The following NAALADL2 variants were observed in gnomAD, a reference collection of about 807,000 sequenced individuals.
NAALADL2 encodes inactive N-acetylated-alpha-linked acidic dipeptidase-like protein 2.
Under a neutral mutation model 87.2 loss-of-function variants are expected in NAALADL2, and 76 were observed. The observed-to-expected ratio is 0.87, with a 90% CI of 0.72 to 1.05. NAALADL2 has a LOEUF of 1.05. Among genes scored for constraint, NAALADL2 ranks in the 50% least tolerant of loss-of-function variants. The pLI is 0.00. For synonymous variants in NAALADL2, 354 were observed against 331.0 expected (o/e 1.07, Z -0.75); for missense variants, 1,089 against 945.8 (o/e 1.15, Z -1.99).
intron 3 of NAALADL2, among the ~76,000 whole-genome samples, chr3:175,236,962 G>C (rs1299903118): frequency 6.6e-6 from 1 of 152,036 alleles, no homozygotes; most frequent in Non-Finnish European, 1.5e-5. Context: ...TCACCTTCAA[G>C]TGTCCTGCGT....
At chr3:175,603,378 C>T (rs932614503) in intron 10 of NAALADL2, among the ~76,000 whole-genome samples, 2 of 152,056 alleles carry the variant, frequency 1.3e-5, no homozygotes, top group Non-Finnish European at 2.9e-5. Context: ...AATACATAGA[C>T]TCATATTGTT....
At chr3:174,703,954 A>C (rs1560157641) in intron 2 of NAALADL2, among the ~76,000 whole-genome samples, 1 of 152,166 alleles carries the variant, frequency 6.6e-6, no homozygotes, top group Non-Finnish European at 1.5e-5. Context: ...ACTGAATGCT[A>C]AGTGCTTTAC....
chr3:174,589,988 T>C (rs1468597181), intron 2 of NAALADL2, among the ~76,000 whole-genome samples: 1 of 152,086 alleles, frequency 6.6e-6, no homozygotes, highest in Non-Finnish European at 1.5e-5. Flanking sequence ...AAACTTCTTG[T>C]TTTAGGTCCA....
intron 2 of NAALADL2, among the ~76,000 whole-genome samples, chr3:175,147,660 A>G: frequency 6.6e-6 from 1 of 152,178 alleles, no homozygotes; most frequent in East Asian, 1.9e-4. Flanking sequence ...TCTTTGAGAA[A>G]TCTTCAAACT....
At chr3:175,407,149 A>G (rs1355739096) in intron 5 of NAALADL2, among the ~76,000 whole-genome samples, 1 of 152,166 alleles carries the variant, frequency 6.6e-6, no homozygotes, top group African/African-American at 2.4e-5. Flanking sequence ...ACACCACTGC[A>G]CTCCAACCTG....
intron 1 of NAALADL2, among the ~76,000 whole-genome samples, chr3:175,013,114 A>T (rs1181813929): frequency 1.2e-4 from 1 of 8,136 alleles, no homozygotes; most frequent in Non-Finnish European, 2.1e-4. Flanking sequence ...ATATTTATAT[A>T]TAAATATACA....
At chr3:175,004,195 G>A (rs1748677010) in intron 1 of NAALADL2, among the ~76,000 whole-genome samples, 1 of 152,024 alleles carries the variant, frequency 6.6e-6, no homozygotes, top group Non-Finnish European at 1.5e-5. Context: ...GAAACAAAGT[G>A]AGATGCTATC....
chr3:174,656,636 G>A (rs1724960126), intron 2 of NAALADL2, among the ~76,000 whole-genome samples: 1 of 152,020 alleles, frequency 6.6e-6, no homozygotes, highest in African/African-American at 2.4e-5. Flanking sequence ...AGTATTTCAA[G>A]GACATGAAAA....
At chr3:175,236,639 G>T (rs192099294) in intron 3 of NAALADL2, among the ~76,000 whole-genome samples, 16 of 152,044 alleles carry the variant, frequency 1.1e-4, no homozygotes, top group Non-Finnish European at 2.4e-4. Context: ...CTCACTACCA[G>T]CAAACTCTCA....
In NAALADL2 at chr3:175,751,708, T is replaced by G. The variant is rs536007868; in HGVS notation, c.1991-3512T>G. 2.3e-3 allele frequency among the ~76,000 whole-genome samples: 352 copies of G among 152,258 alleles called. 2 individuals are homozygous for G. The highest frequency in any genetic ancestry group is 0.017 in the Middle Eastern group (5 of 294). The stretch of plus-strand genomic sequence containing the variant: ...TTAAAAAATAGTTGTATTAACTCGC[T>G]CTGAGAGAAATATCTAATTTCCAGT... On this transcript the variant is annotated intron_variant, in intron 12 of 13. Transcript: ENST00000454872.
At chr3:175,281,933 G>T (rs116720906) in intron 4 of NAALADL2, among the ~76,000 whole-genome samples, 411 of 151,736 alleles carry the variant, frequency 2.7e-3, no homozygotes, top group African/African-American at 9.5e-3. Context: ...AGCTGACTTG[G>T]ATCTTTTATT....
In NAALADL2 at chr3:175,029,140, A is replaced by G. The variant is rs375370774; in HGVS notation, c.44-67650A>G. 1.7e-3 allele frequency among the ~76,000 whole-genome samples: 259 copies of G among 151,896 alleles called. 1 individual carries two copies. The highest frequency in any genetic ancestry group is 6.0e-3 in the African/African-American group (251 of 41,488). On this transcript the variant is annotated intron_variant, in intron 1 of 13. Transcript: ENST00000454872. ...CCAACCAATAGTCCCCAAATCCACA[A>G]TGAGGACTTTACATGATGAACAAAA...
At chr3:175,016,743 T>C (rs1287860597) in intron 1 of NAALADL2, among the ~76,000 whole-genome samples, 1 of 152,014 alleles carries the variant, frequency 6.6e-6, no homozygotes, top group African/African-American at 2.4e-5. Flanking sequence ...GGAATCATAA[T>C]GAATTATATT....
chr3:174,997,256 T>C (rs116243513), intron 1 of NAALADL2, among the ~76,000 whole-genome samples: 2,294 of 152,222 alleles, frequency 0.015, 48 homozygotes, highest in African/African-American at 0.05. Context: ...ATCTCCATAC[T>C]GTTTTCCATA....
intron 1 of NAALADL2, among the ~76,000 whole-genome samples, chr3:174,502,211 A>G (rs147011687): frequency 1.3e-3 from 201 of 152,324 alleles, no homozygotes; most frequent in African/African-American, 4.6e-3. Context: ...CATCTGTTAA[A>G]TAAGACATAC....
chr3:174,441,175 T>C (rs1323127701), intron 1 of NAALADL2: 1 of 152,114 alleles, frequency 6.6e-6, no homozygotes, highest in South Asian at 2.1e-4. Context: ...GCCGCACCCC[T>C]GCGCGGGGCC....
At chr3:175,628,183 A>C (rs1355988180) in intron 11 of NAALADL2, among the ~76,000 whole-genome samples, 1 of 151,708 alleles carries the variant, frequency 6.6e-6, no homozygotes, top group Non-Finnish European at 1.5e-5. Flanking sequence ...CTTCACTTTC[A>C]GTGCCGTATT....
intron 1 of NAALADL2, among the ~76,000 whole-genome samples, chr3:175,056,183 G>A (rs1712124444): frequency 1.3e-5 from 2 of 151,990 alleles, no homozygotes; most frequent in African/African-American, 4.8e-5. Context: ...AATAATGAGG[G>A]GGTACAGAAG....
intron 2 of NAALADL2, among the ~76,000 whole-genome samples, chr3:174,703,390 T>C (rs775034072): frequency 1.3e-5 from 2 of 151,408 alleles, no homozygotes; most frequent in African/African-American, 2.4e-5. Flanking sequence ...TGAAGAGATA[T>C]GATTAGTGAG....
Sources: gnomAD v4.1 joint callset for allele counts (sites outside exome capture counted in the v4.1 genomes callset) on GRCh38, gnomAD v4.1.1 for gene constraint, MANE v1.5 for transcripts, NCBI Gene and HGNC (gene_info 2026-07-23, HGNC 2026-07-21) for gene names.